INTS1: variants seen among roughly 807,000 people sequenced by gnomAD.
INTS1 encodes the protein integrator complex subunit 1.
INTS1 carries 137 observed loss-of-function variants against 241.6 expected under a neutral mutation model. That is an observed-to-expected ratio of 0.57 (90% CI 0.49 to 0.65). INTS1 has a LOEUF of 0.65. Ranked by LOEUF, INTS1 falls within the 30% of genes least tolerant of loss-of-function variation. INTS1 has a pLI of 0.00. For missense variants in INTS1, 3,073 were observed against 3,032.2 expected, an observed-to-expected ratio of 1.01 and a Z score of -0.32; for synonymous variants, 1,692 against 1,337.8, an observed-to-expected ratio of 1.26 and a Z score of -5.78.
In INTS1 at chr7:1,476,028, G is replaced by C. The variant is rs1382001310; in HGVS notation, c.5422C>G (p.Leu1808Val). 6.5e-7 allele frequency: 1 copy of C among 1,545,902 alleles called. No individual in the cohort carries two copies. The change falls in exon 39 of 48, where the codon CTA (leucine) becomes GTA (valine). Residue 1808 changes from leucine to valine, a missense_variant. By Grantham distance (32) the Leu-to-Val change is conservative. Transcript: ENST00000404767. Reference protein sequence around the residue: ...RCRDLLLQLYLQRPELRVPVP... With the variant: ...RCRDLLLQLYVQRPELRVPVP... ...GGCACCCGCAGCTCCGGCCGCTGTA[G>C]GTAGAGCTGCAGGAGAAGGTCTCGG...
At chr7:1,500,402 A>C (rs746943513) in intron 3 of INTS1, 36 bp from the exon 4 acceptor site, 27 of 1,505,558 alleles carry the variant, frequency 1.8e-5, no homozygotes, top group African/African-American at 2.7e-5. Context: ...GAACGGGGCC[A>C]GGGCAGGGTC....
Position 1,474,470 on chromosome 7 carries a change from C to CG in INTS1, c.5637-111_5637-110insC. On this transcript the variant is annotated intron_variant, in intron 40 of 47. Coordinates refer to ENST00000404767, the MANE Select transcript of INTS1 (RefSeq NM_001080453.3). ...GGGAGCCAGACCCCGTGCTGCCCCC[C>CG]AACCACCCTCCTGCCCTAAGGAGGT... 1.8e-6 allele frequency: 2 copies of CG among 1,109,552 alleles called. 1 individual carries two copies. Among genetic ancestry groups the CG allele is most frequent in the South Asian group, 3.3e-5 (2 of 60,436 alleles). The allele number at this position is 1,109,552 out of a possible 1,614,324, so 68.7% of individuals were successfully genotyped here.
chr7:1,478,723 C>A lies in INTS1; in HGVS notation c.4489+3G>T, dbSNP rs952624365. ...CCGTCTGCCAGCCCGGCGCGGTCCT[C>A]ACCATCACTGAGCCTGCGCCCGGCT... On this transcript the variant is annotated splice_donor_region_variant and intron_variant, in intron 32 of 47. Coordinates refer to ENST00000404767, the MANE Select transcript of INTS1 (RefSeq NM_001080453.3). The A allele has an allele frequency of 7.6e-6, 12 of 1,569,552 alleles. No homozygotes were observed. In the African/African-American group the frequency reaches 1.5e-4, roughly 19 times the overall value.
rs536106752 is a variant in INTS1, at chr7:1,486,611, G to A, written c.2976+14C>T. ...ATGAAGAGCGTGCGCAGAAAGACCC[G>A]CCCACCACCTCACCTTCATGGCCAG... On this transcript the variant is annotated intron_variant, in intron 22 of 47. Transcript: ENST00000404767. 85 of 1,608,956 alleles carry A rather than the reference G, an allele frequency of 5.3e-5. No individual in the cohort carries two copies. The highest frequency in any genetic ancestry group is 7.7e-5 in the South Asian group (7 of 90,346).
At chr7:1,494,596 G>A (rs1034003588) in intron 14 of INTS1, 18 of 604,596 alleles carry the variant, frequency 3.0e-5, no homozygotes, top group Non-Finnish European at 5.0e-5. Flanking sequence ...TTGGAGTCAC[G>A]TGGACGCAGA....
intron 32 of INTS1, 21 bp from the exon 33 acceptor site, chr7:1,478,527 T>G: frequency 1.2e-6 from 2 of 1,604,702 alleles, no homozygotes; most frequent in Non-Finnish European, 1.7e-6. Context: ...TCTGTGTGAG[T>G]GCCCTGTGGC....
In INTS1 at chr7:1,504,191, G is replaced by A. The variant is rs1001130445; in HGVS notation, c.-42+132C>T. ...CGCCCGGGAGCGGCTCAGTCGGGCG[G>A]CAGCAGGCGACGCGGACGCCGGGCT... On this transcript the variant is annotated intron_variant, in intron 1 of 47. Transcript: ENST00000404767. 4 of 535,426 alleles carry A rather than the reference G, an allele frequency of 7.5e-6. No homozygotes were observed. In the Admixed American group the frequency reaches 1.2e-4, roughly 16 times the overall value. 33.2% of individuals were successfully genotyped at this position (535,426 alleles called of 1,614,324 possible). A position where few individuals can be genotyped will look rare whatever the true frequency, so the allele number is the denominator to read the frequency against.
At chr7:1,480,135 G>A (rs1781926393) in intron 30 of INTS1, among the ~76,000 whole-genome samples, 182 bp downstream of exon 30, 1 of 152,262 alleles carries the variant, frequency 6.6e-6, no homozygotes, top group South Asian at 2.1e-4. Flanking sequence ...GCATGGGGGT[G>A]TTACGTGAAA....
intron 45 of INTS1, 124 bp from the exon 46 acceptor site, chr7:1,471,348 C>T: frequency 2.7e-6 from 3 of 1,101,224 alleles, no homozygotes; most frequent in South Asian, 1.5e-5. Context: ...ATCCAGAAGG[C>T]AGGACGCACG....
rs763677317 is a variant in INTS1, at chr7:1,473,612, C to T, written c.5911G>A (p.Ala1971Thr). The change falls in exon 42 of 48, where the codon GCC becomes ACC. Residue 1971 changes from alanine to threonine, a missense_variant. Physicochemically the swap from Ala to Thr is moderately conservative, Grantham distance 58. Coordinates refer to ENST00000404767, the MANE Select transcript of INTS1 (RefSeq NM_001080453.3). ...TGCAGGAAGGAGATGGCTGCTGGGG[C>T]ATTGTAGGTAATGTACTTATGGATG... ...QFIHKYITYNAPAAISFLQKH... is the reference protein window; with the variant it reads ...QFIHKYITYNTPAAISFLQKH... 21 of 1,611,846 alleles carry T rather than the reference C, an allele frequency of 1.3e-5. No homozygotes were observed. The highest frequency in any genetic ancestry group is 1.7e-5 in the Non-Finnish European group (20 of 1,179,204).
In INTS1 at chr7:1,503,845, A is replaced by AAAGACCCCCG. The variant is rs1783325381; in HGVS notation, c.58+57_58+58insCGGGGGTCTT. The AAAGACCCCCG allele has an allele frequency of 2.0e-5, 24 of 1,186,850 alleles. No individual in the cohort carries two copies. The South Asian group carries it at 3.2e-4, about 16-fold the overall frequency. 73.5% of individuals were successfully genotyped at this position (1,186,850 alleles called of 1,614,324 possible). On this transcript the variant is annotated intron_variant, in intron 2 of 47. Coordinates refer to ENST00000404767, the MANE Select transcript of INTS1 (RefSeq NM_001080453.3). ...AGGATCCGCGGCAGCTGAGATCCCC[A>AAAGACCCCCG]AAGACCCCCAAAGACCCCCAAAGAC...
chr7:1,497,483 C>A lies in INTS1; in HGVS notation c.1426-169G>T, dbSNP rs1157913776. On this transcript the variant is annotated intron_variant, in intron 10 of 47. Coordinates refer to ENST00000404767, the MANE Select transcript of INTS1 (RefSeq NM_001080453.3). This position sits in a 1 kb window ranked among gnomAD's most constrained non-coding sequence, Gnocchi z 5.3. Reference sequence around the variant, plus strand: ...TGCTCTACTGGCTGCCAGCCCTTGGCGAGCAGGGATCACATCTGATTCCCC... The same window carrying A: ...TGCTCTACTGGCTGCCAGCCCTTGGAGAGCAGGGATCACATCTGATTCCCC... Among the ~76,000 whole-genome samples the A allele has an allele frequency of 6.6e-6, 1 of 152,124 alleles. No individual in the cohort carries two copies. Among genetic ancestry groups the A allele is most frequent in the Non-Finnish European group, 1.5e-5 (1 of 68,026 alleles).
At position 1,495,520 on chromosome 7, in the gene INTS1, A is replaced by G. The variant is rs1307656502; in HGVS notation, c.1745T>C (p.Ile582Thr). The G allele has an allele frequency of 6.2e-7, 1 of 1,612,444 alleles. No homozygotes were observed. Among genetic ancestry groups the G allele is most frequent in the South Asian group, 1.1e-5 (1 of 91,006 alleles). Residue 582 changes from isoleucine to threonine, a missense_variant, in exon 13 of 48, where the codon ATT (isoleucine) becomes ACT (threonine). By Grantham distance (89) the Ile-to-Thr change is moderately conservative. Coordinates refer to ENST00000404767, the MANE Select transcript of INTS1 (RefSeq NM_001080453.3). ...GACGGCATCCCGCTGGATGGCGGCA[A>G]TCTGGTTCTGGAATGAGCGGAGCAC... ...LEVLRSFQNQ[I>T]AAIQRDAVWW... is the part of the protein sequence containing the mutation.
chr7:1,501,748 C>T (rs1783192009), intron 3 of INTS1, among the ~76,000 whole-genome samples: 1 of 152,156 alleles, frequency 6.6e-6, no homozygotes, highest in South Asian at 2.1e-4. Flanking sequence ...CCTCCTAAAG[C>T]AGTCCCCCAG....
chr7:1,494,230 C>T (rs732492), intron 14 of INTS1, among the ~76,000 whole-genome samples: 66,108 of 152,076 alleles, frequency 0.43, 14,556 homozygotes, highest in East Asian at 0.7. Flanking sequence ...ATGGTTCTTG[C>T]CCTCAAGGAG....
Position 1,503,977 on chromosome 7 carries a change from C to T in INTS1, c.-17G>A. 6.5e-7 allele frequency: 1 copy of T among 1,538,568 alleles called. No individual in the cohort carries two copies. Among genetic ancestry groups the T allele is most frequent in the Non-Finnish European group, 8.8e-7 (1 of 1,141,968 alleles). ...CCGGTTCATCCTGCCCCGTCCCTCG[C>T]GGCTCCCGGCGGCTGCGGCGTCACC... is the stretch of plus-strand genomic sequence containing the variant. On this transcript the variant is annotated 5_prime_UTR_variant, in exon 2 of 48. Transcript: ENST00000404767.
At position 1,498,476 on chromosome 7, in the gene INTS1, C is replaced by T; in HGVS notation, c.1361G>A (p.Arg454Gln). The stretch of plus-strand genomic sequence containing the variant: ...GAGGACCTGCATGTTGTTCGGGTTC[C>T]GGGCGCTGGAGAGCTCATTGAAGAT... ...LVIFNELSSA[R>Q]NPNNMQVLYT... The change falls in exon 10 of 48, where the codon CGG becomes CAG. Residue 454 changes from arginine to glutamine, a missense_variant. Coordinates refer to ENST00000404767, the MANE Select transcript of INTS1 (RefSeq NM_001080453.3). The T allele has an allele frequency of 1.9e-6, 3 of 1,613,936 alleles. No homozygotes were observed. The highest frequency in any genetic ancestry group is 2.5e-6 in the Non-Finnish European group (3 of 1,179,880).
At position 1,497,270 on chromosome 7, in the gene INTS1, G is replaced by A. The variant is rs759170906; in HGVS notation, c.1470C>T (p.Asp490=). Residue 490 remains aspartate (D), a synonymous_variant, in exon 11 of 48, where the codon GAC becomes GAT. Transcript: ENST00000404767. The surrounding 1 kb of genome is among the most constrained non-coding windows in gnomAD (Gnocchi z 5.3). ...GCAGGGCCCGCGAGGCCCGCAGGTA[G>A]TCGTCCTTGTTGGTCAGCAGGTCCT... ...VFQDLLTNKD[D]YLRASRALLR... 11 of 1,613,380 alleles carry A rather than the reference G, an allele frequency of 6.8e-6. No individual in the cohort carries two copies. The South Asian group carries it at 1.2e-4, about 18-fold the overall frequency.
intron 43 of INTS1, among the ~76,000 whole-genome samples, chr7:1,472,780 A>C (rs1781530846): frequency 8.7e-6 from 1 of 115,312 alleles, no homozygotes; most frequent in African/African-American, 3.2e-5. Flanking sequence ...GGGGAGGGAC[A>C]CCTCGGACAA....
Sources: gnomAD v4.1 joint callset for allele counts (sites outside exome capture counted in the v4.1 genomes callset) on GRCh38, gnomAD v4.1.1 for gene constraint, Gnocchi (gnomAD v3.1) non-coding constraint, MANE v1.5 for transcripts, NCBI Gene and HGNC (gene_info 2026-07-23, HGNC 2026-07-21) for gene names.